Variants in EIF2B5 observed in about 807,000 individuals in gnomAD.
EIF2B5 encodes eukaryotic translation initiation factor 2B subunit epsilon.
In EIF2B5, 38 loss-of-function variants were observed where a neutral mutation model predicts 87.3. The ratio of observed to expected loss-of-function variants is 0.44; its 90% CI spans 0.34 to 0.57. The LOEUF (loss-of-function observed/expected upper bound fraction) is 0.57, where lower values mean the gene tolerates loss of function less well. EIF2B5 is among the 20% of genes least tolerant of loss of function. EIF2B5 has a pLI of 0.02. For synonymous variants in EIF2B5, 313 were observed against 339.6 expected, an observed-to-expected ratio of 0.92 and a Z score of 0.86; for missense variants, 784 against 909.5, an observed-to-expected ratio of 0.86 and a Z score of 1.78.
At position 184,140,453 on chromosome 3, in the gene EIF2B5, T is replaced by G; in HGVS notation, c.879T>G (p.Ala293=). The G allele has an allele frequency of 6.2e-7, 1 of 1,614,116 alleles. No homozygotes were observed. Among genetic ancestry groups the G allele is most frequent in the Non-Finnish European group, 8.5e-7 (1 of 1,180,024 alleles). Residue 293 remains alanine, a synonymous_variant, in exon 7 of 16, where the codon GCT becomes GCG. Transcript: ENST00000648915. ...LGNQIHMHVT[A]KEYGARVSNL... is the part of the protein sequence containing the mutation. The stretch of plus-strand genomic sequence containing the variant: ...ACCAGATCCACATGCACGTAACAGC[T>G]AAGGAATATGGTGCCCGTGTCTCCA...
Position 184,142,192 on chromosome 3 carries a change from C to T in EIF2B5, c.1303-45C>T, listed in dbSNP as rs1560109257. The T allele has an allele frequency of 1.2e-6, 2 of 1,614,132 alleles. No individual in the cohort carries two copies. Among genetic ancestry groups the T allele is most frequent in the Non-Finnish European group, 1.7e-6 (2 of 1,180,026 alleles). On this transcript the variant is annotated intron_variant, in intron 8 of 15. Coordinates refer to ENST00000648915, the MANE Select transcript of EIF2B5 (RefSeq NM_003907.3). This position sits in a 1 kb window ranked among gnomAD's most constrained non-coding sequence, Gnocchi z 5.0. ...AAGTTGCTCTCATTATCAGGATGCA[C>T]TTTTCCTCCACACCCTAATGGTTCT...
chr3:184,138,392 T>C (rs957920518), intron 5 of EIF2B5, 146 bp downstream of exon 5: 12 of 829,134 alleles, frequency 1.4e-5, no homozygotes, highest in Middle Eastern at 3.4e-4. Flanking sequence ...AGTCTCGCTC[T>C]GTTGCCCAGG....
In EIF2B5 at chr3:184,140,167, G is replaced by C; in HGVS notation, c.843+10G>C. 6.2e-7 allele frequency: 1 copy of C among 1,611,054 alleles called. No homozygotes were observed. Among genetic ancestry groups the C allele is most frequent in the South Asian group, 1.1e-5 (1 of 90,972 alleles). ...CTTAGTGAATGAGGAGGTGAGAAAA[G>C]TCTTCCAATGCCTCTTTAGGAGAGA... is the stretch of plus-strand genomic sequence containing the variant. On this transcript the variant is annotated intron_variant, in intron 6 of 15. Coordinates refer to ENST00000648915, the MANE Select transcript of EIF2B5 (RefSeq NM_003907.3).
chr3:184,145,055 T>C lies in EIF2B5; in HGVS notation c.*112T>C. ...GAGTGACCACCATCCAGGCTGAGAC[T>C]GAAAGGAGCAGAGGCTGGAACTACA... On this transcript the variant is annotated 3_prime_UTR_variant, in exon 16 of 16. Transcript: ENST00000648915. The surrounding 1 kb of genome is among the most constrained non-coding windows in gnomAD (Gnocchi z 4.0). 2 of 970,270 alleles carry C rather than the reference T, an allele frequency of 2.1e-6. No homozygotes were observed. Among genetic ancestry groups the C allele is most frequent in the Non-Finnish European group, 3.2e-6 (2 of 615,806 alleles). The allele number at this position is 970,270 out of a possible 1,614,324, so 60.1% of individuals were successfully genotyped here.
At position 184,141,976 on chromosome 3, in the gene EIF2B5, C is replaced by T. The variant is rs545593935; in HGVS notation, c.1208C>T (p.Ala403Val). ...TACCTGTGGCAGGGTGTTCGAGTGG[C>T]GGCTGGAGCACAGATCCATCAGTCT... The part of the protein sequence containing the change: ...QTYLWQGVRV[A>V]AGAQIHQSLL... Residue 403 changes from alanine to valine, a missense_variant, in exon 8 of 16, where the codon GCG (alanine) becomes GTG (valine). Around this residue, in one of 3 missense-constraint regions of EIF2B5, gnomAD observed 660 missense variants for 789.5 expected, o/e 0.84. Transcript: ENST00000648915. The T allele has an allele frequency of 1.1e-5, 17 of 1,613,918 alleles. No individual in the cohort carries two copies. The highest frequency in any genetic ancestry group is 2.2e-5 in the East Asian group (1 of 44,882).
chr3:184,144,173 C>A lies in EIF2B5; in HGVS notation c.1944C>A (p.Ala648=). 3 of 1,614,234 alleles carry A rather than the reference C, an allele frequency of 1.9e-6. No individual in the cohort carries two copies. Among genetic ancestry groups the A allele is most frequent in the Non-Finnish European group, 2.5e-6 (3 of 1,180,056 alleles). ...CCGACCATTTGGAAGCGTTAGCAGCCATTGAGGACTTCTTCCTAGAGCATG... is the reference window on the plus strand; with the variant it reads ...CCGACCATTTGGAAGCGTTAGCAGCAATTGAGGACTTCTTCCTAGAGCATG... ...RAADHLEALA[A]IEDFFLEHEA... Residue 648 remains alanine (A), a synonymous_variant, in exon 14 of 16, where the codon GCC becomes GCA. Coordinates refer to ENST00000648915, the MANE Select transcript of EIF2B5 (RefSeq NM_003907.3).
At position 184,140,527 on chromosome 3, in the gene EIF2B5, T is replaced by C. The variant is rs1713583429; in HGVS notation, c.953T>C (p.Val318Ala). The C allele has an allele frequency of 6.2e-7, 1 of 1,614,120 alleles. No homozygotes were observed. The highest frequency in any genetic ancestry group is 1.1e-5 in the South Asian group (1 of 91,082). The change falls in exon 7 of 16, where the codon GTC becomes GCC. Residue 318 changes from valine to alanine, a missense_variant. This residue lies in a region of EIF2B5 where 660 missense variants were observed against 789.5 expected (regional missense o/e 0.84). Coordinates refer to ENST00000648915, the MANE Select transcript of EIF2B5 (RefSeq NM_003907.3). ...TGTGCTGACGTCATCCGCCGATGGG[T>C]CTACCCTCTCACCCCAGAGGCGAAC... ...AVCADVIRRW[V>A]YPLTPEANFT...
Position 184,135,442 on chromosome 3 carries a change from C to T in EIF2B5, c.57C>T (p.Arg19=), listed in dbSNP as rs374671573. ...TGGTGGTTAGTCGGGCTAACAAGCG[C>T]AGCGGCGCGGGGCCGGGAGGCAGCG... is the stretch of plus-strand genomic sequence containing the variant. ...PGVVVSRANK[R]SGAGPGGSGG... is the part of the protein sequence containing the mutation. Residue 19 remains arginine (R), a synonymous_variant, in exon 1 of 16, where the codon CGC becomes CGT. Coordinates refer to ENST00000648915, the MANE Select transcript of EIF2B5 (RefSeq NM_003907.3). 4.0e-5 allele frequency: 64 copies of T among 1,581,778 alleles called. No homozygotes were observed. The highest frequency in any genetic ancestry group is 4.8e-5 in the Non-Finnish European group (56 of 1,165,132).
intron 5 of EIF2B5, chr3:184,138,943 TG>T (rs1713486442): frequency 3.8e-6 from 1 of 265,140 alleles, no homozygotes; most frequent in Non-Finnish European, 7.6e-6. Flanking sequence ...ATTACAGGCA[TG>T]AGCCACCAGT....
chr3:184,139,685 G>T lies in EIF2B5; in HGVS notation c.766-395G>T, dbSNP rs373616430. ...TCCATGTTCAGCTGTCATAGGGTTT[G>T]CTAGGTCTCTGGGGGATTATCTGTG... On this transcript the variant is annotated intron_variant, in intron 5 of 15. Coordinates refer to ENST00000648915, the MANE Select transcript of EIF2B5 (RefSeq NM_003907.3). Among the ~76,000 whole-genome samples the T allele has an allele frequency of 1.1e-4, 17 of 151,272 alleles. No individual in the cohort carries two copies. The East Asian group carries it at 2.2e-3, about 19-fold the overall frequency.
At chr3:184,139,756 G>A (rs1198090625) in intron 5 of EIF2B5, among the ~76,000 whole-genome samples, 1 of 151,382 alleles carries the variant, frequency 6.6e-6, no homozygotes, top group Admixed American at 6.6e-5. Context: ...GGTGGCTCAC[G>A]CTTGTAATCC....
chr3:184,142,323 C>T lies in EIF2B5; in HGVS notation c.1389C>T (p.Gly463=). The part of the protein sequence containing the change: ...PPDAEEDEDD[G]EFSDDSGADQ... ...ATGCAGAGGAAGATGAAGATGATGGCGAGTTCAGTGATGATTCTGGGGCTG... is the reference window on the plus strand; with the variant it reads ...ATGCAGAGGAAGATGAAGATGATGGTGAGTTCAGTGATGATTCTGGGGCTG... Residue 463 remains glycine, a synonymous_variant, in exon 9 of 16, where the codon GGC becomes GGT. Transcript: ENST00000648915. This position sits in a 1 kb window ranked among gnomAD's most constrained non-coding sequence, Gnocchi z 5.0. The T allele has an allele frequency of 3.1e-6, 5 of 1,613,944 alleles. No homozygotes were observed. Among genetic ancestry groups the T allele is most frequent in the Non-Finnish European group, 2.5e-6 (3 of 1,179,988 alleles).
Position 184,135,531 on chromosome 3 carries a change from C to A in EIF2B5, c.146C>A (p.Ala49Asp). Residue 49 changes from alanine (A) to aspartate (D), a missense_variant, in exon 1 of 16, where the codon GCC becomes GAC. By Grantham distance (126) the Ala-to-Asp change is moderately radical. Coordinates refer to ENST00000648915, the MANE Select transcript of EIF2B5 (RefSeq NM_003907.3). ...PPPPLQAVLV[A>D]DSFDRRFFPI... ...CCGCCCCTACAAGCAGTTCTGGTGG[C>A]CGATAGCTTCGATCGCCGCTTCTTC... The A allele has an allele frequency of 1.3e-6, 2 of 1,590,706 alleles. No homozygotes were observed. Among genetic ancestry groups the A allele is most frequent in the Admixed American group, 1.8e-5 (1 of 57,038 alleles).
Position 184,143,544 on chromosome 3 carries a change from C to T in EIF2B5, c.1848C>T (p.Arg616=). The change falls in exon 13 of 16, where the codon CGC becomes CGT. Residue 616 remains arginine, a synonymous_variant. Coordinates refer to ENST00000648915, the MANE Select transcript of EIF2B5 (RefSeq NM_003907.3). ...QQMDSPLDSS[R]YCALLLPLLK... ...TGGATTCCCCGCTTGACTCAAGCCG[C>T]TACTGTGCCCTGCTGCTTCCTGTGA... is the stretch of plus-strand genomic sequence containing the variant. 6.2e-7 allele frequency: 1 copy of T among 1,614,214 alleles called. No homozygotes were observed. Among genetic ancestry groups the T allele is most frequent in the Admixed American group, 1.7e-5 (1 of 60,030 alleles).
At chr3:184,137,402 A>G (rs1713411742) in intron 2 of EIF2B5, 2 of 607,716 alleles carry the variant, frequency 3.3e-6, no homozygotes, top group South Asian at 3.9e-5. Flanking sequence ...TGGAGAGGAA[A>G]TAACCATGTT....
chr3:184,138,983 G>C lies in EIF2B5; in HGVS notation c.765+737G>C, dbSNP rs113180887. The C allele has an allele frequency of 5.6e-3, 1,278 of 228,280 alleles. 18 individuals are homozygous for C. Among genetic ancestry groups the C allele is most frequent in the African/African-American group, 0.03 (1,217 of 40,398 alleles). 14.1% of individuals were successfully genotyped at this position (228,280 alleles called of 1,614,324 possible). A position where few individuals can be genotyped will look rare whatever the true frequency, so the allele number is the denominator to read the frequency against. Reference sequence around the variant, plus strand: ...TTTTGTTGTTGTTGTTGTTATTGTTGTTTTGAGATGGAGCCTCGCTCTGTC... The same window carrying C: ...TTTTGTTGTTGTTGTTGTTATTGTTCTTTTGAGATGGAGCCTCGCTCTGTC... On this transcript the variant is annotated intron_variant, in intron 5 of 15. Transcript: ENST00000648915.
chr3:184,144,682 G>C lies in EIF2B5; in HGVS notation c.2081G>C (p.Gly694Ala), dbSNP rs759115041. The C allele has an allele frequency of 1.9e-6, 3 of 1,614,048 alleles. No homozygotes were observed. The South Asian group carries it at 3.3e-5, about 18-fold the overall frequency. ...AGCCAAAGAGATACAACTGACAAGGGCCAGCAGTTGCGCAAGAATCAACAG... is the reference window on the plus strand; with the variant it reads ...AGCCAAAGAGATACAACTGACAAGGCCCAGCAGTTGCGCAAGAATCAACAG... ...WFSQRDTTDKGQQLRKNQQLQ... is the reference protein window; with the variant it reads ...WFSQRDTTDKAQQLRKNQQLQ... Residue 694 changes from glycine (G) to alanine (A), a missense_variant, in exon 15 of 16, where the codon GGC (glycine) becomes GCC (alanine). Physicochemically the swap from Gly to Ala is moderately conservative, Grantham distance 60 (BLOSUM62 0). This residue lies in a region of EIF2B5 where 660 missense variants were observed against 789.5 expected (regional missense o/e 0.84). Transcript: ENST00000648915.
intron 7 of EIF2B5, among the ~76,000 whole-genome samples, chr3:184,141,073 C>G (rs1269570125): frequency 4.6e-5 from 7 of 152,198 alleles, no homozygotes; most frequent in Non-Finnish European, 4.4e-5. Context: ...TCATAATTTA[C>G]AAATAAACAG....
chr3:184,145,095 G>A lies in EIF2B5; in HGVS notation c.*152G>A. 1 of 746,096 alleles carries A rather than the reference G, an allele frequency of 1.3e-6. No homozygotes were observed. The highest frequency in any genetic ancestry group is 2.3e-6 in the Non-Finnish European group (1 of 430,554). The allele number at this position is 746,096 out of a possible 1,614,324, so 46.2% of individuals were successfully genotyped here. Reference sequence around the variant, plus strand: ...CTGGAACTACAGTATTCTTTCCCCTGCTAGCAACCATGTGCCTCCCATCCT... The same window carrying A: ...CTGGAACTACAGTATTCTTTCCCCTACTAGCAACCATGTGCCTCCCATCCT... On this transcript the variant is annotated 3_prime_UTR_variant, in exon 16 of 16. Transcript: ENST00000648915. The surrounding 1 kb of genome is among the most constrained non-coding windows in gnomAD (Gnocchi z 4.0).
Sources: gnomAD v4.1 joint callset for allele counts (sites outside exome capture counted in the v4.1 genomes callset) on GRCh38, gnomAD v4.1.1 for gene constraint, gnomAD v4.1.1 regional missense constraint, Gnocchi (gnomAD v3.1) non-coding constraint, MANE v1.5 for transcripts, NCBI Gene and HGNC (gene_info 2026-07-23, HGNC 2026-07-21) for gene names.